FLACC1: variants seen among roughly 807,000 people sequenced by gnomAD.
FLACC1 encodes the protein flagellum-associated coiled-coil domain-containing protein 1.
A neutral mutation model predicts 62.8 loss-of-function variants in FLACC1; 66 were observed. That is an observed-to-expected ratio of 1.05 (90% CI 0.86 to 1.29). FLACC1 has a LOEUF of 1.29. Ranked by LOEUF, FLACC1 falls within the 50% of genes most tolerant of loss-of-function variation. FLACC1 has a pLI of 0.00. For synonymous variants in FLACC1, 156 were observed against 161.0 expected (o/e 0.97, Z 0.24); for missense variants, 452 against 489.1 (o/e 0.92, Z 0.71).
At chr2:201,356,075 G>A (rs1951112206) in intron 1 of FLACC1, among the ~76,000 whole-genome samples, 1 of 152,124 alleles carries the variant, frequency 6.6e-6, no homozygotes, top group South Asian at 2.1e-4. Context: ...GCCAGGGGAG[G>A]AGTTGGGACA....
intron 9 of FLACC1, among the ~76,000 whole-genome samples, chr2:201,329,033 G>C (rs1169748299): frequency 1.3e-5 from 2 of 152,020 alleles, no homozygotes; most frequent in Non-Finnish European, 2.9e-5. Context: ...TTTGTAGTAA[G>C]CCCCTTCCCC....
chr2:201,303,285 G>C (rs185483768), intron 11 of FLACC1, among the ~76,000 whole-genome samples: 1 of 152,132 alleles, frequency 6.6e-6, no homozygotes, highest in African/African-American at 2.4e-5. Context: ...ACTACCATCA[G>C]AGAATACTAT....
At chr2:201,313,923 C>T (rs1352137267) in intron 9 of FLACC1, among the ~76,000 whole-genome samples, 1 of 152,192 alleles carries the variant, frequency 6.6e-6, no homozygotes, top group African/African-American at 2.4e-5. Flanking sequence ...AGCCTGGAAC[C>T]TGGTAGGACT....
intron 9 of FLACC1, among the ~76,000 whole-genome samples, chr2:201,310,832 C>T (rs1160398992): frequency 6.6e-6 from 1 of 151,234 alleles, no homozygotes; most frequent in African/African-American, 2.4e-5. Context: ...AAAACCCATA[C>T]AAAGAATCAA....
intron 11 of FLACC1, 123 bp from the exon 12 acceptor site, chr2:201,299,423 T>C: frequency 1.4e-6 from 1 of 693,848 alleles, no homozygotes; most frequent in African/African-American, 1.8e-5. Flanking sequence ...ACTGCTATAA[T>C]GAAGCACACA....
chr2:201,292,404 G>T (rs1949757215), intron 12 of FLACC1, among the ~76,000 whole-genome samples: 4 of 152,158 alleles, frequency 2.6e-5, no homozygotes. Flanking sequence ...TTTCAACCCA[G>T]AATTTCATAT....
intron 8 of FLACC1, 73 bp from the exon 9 acceptor site, chr2:201,330,595 C>G: frequency 6.4e-7 from 1 of 1,551,108 alleles, no homozygotes; most frequent in South Asian, 1.1e-5. Context: ...AATGTGAGTT[C>G]TTCTGCACAC....
intron 10 of FLACC1, among the ~76,000 whole-genome samples, chr2:201,308,616 TG>T (rs2125562232): frequency 6.6e-6 from 1 of 152,132 alleles, no homozygotes; most frequent in African/African-American, 2.4e-5. Context: ...CCAATGGGGG[TG>T]GGAGGTGCAC....
chr2:201,356,533 ACTT>A (rs1293358130), intron 1 of FLACC1, among the ~76,000 whole-genome samples: 4 of 152,210 alleles, frequency 2.6e-5, no homozygotes, highest in African/African-American at 9.7e-5. Flanking sequence ...AGTGGGAACT[ACTT>A]CTAACAGATT....
the FLACC1 span, among the ~76,000 whole-genome samples, chr2:201,364,261 G>C: frequency 1.3e-5 from 2 of 151,962 alleles, no homozygotes; most frequent in African/African-American, 2.4e-5. Context: ...AGAGAGGGGG[G>C]AAAAGGGAAA....
At chr2:201,307,879 ATC>A (rs1348070739) in intron 10 of FLACC1, among the ~76,000 whole-genome samples, 7 of 152,136 alleles carry the variant, frequency 4.6e-5, no homozygotes, top group Non-Finnish European at 7.4e-5. Flanking sequence ...TTTATTTTGA[ATC>A]TGTTGCTTTT....
At chr2:201,299,376 T>G (rs971219165) in intron 11 of FLACC1, 76 bp from the exon 12 acceptor site, 4 of 1,187,992 alleles carry the variant, frequency 3.4e-6, no homozygotes, top group African/African-American at 1.5e-5. Flanking sequence ...AAAGCCAGAC[T>G]AGGATTCAGG....
At position 201,346,662 on chromosome 2, in the gene FLACC1, A is replaced by C. The variant is rs1400138657; in HGVS notation, c.248T>G (p.Val83Gly). 6 of 1,614,106 alleles carry C rather than the reference A, an allele frequency of 3.7e-6. 1 individual carries two copies. In the South Asian group the frequency reaches 6.6e-5, roughly 18 times the overall value. The part of the protein sequence containing the change: ...TNKSFYEVIN[V>G]SPGYQLVRNR... ...CCGAACAAGTTGATAGCCAGGTGAC[A>C]CGTTGATCACTTCCTAGGCATCAAG... The change falls in exon 5 of 15, where the codon GTG becomes GGG. Residue 83 changes from valine to glycine, a missense_variant. Transcript: ENST00000392257. This position sits in a 1 kb window ranked among gnomAD's most constrained non-coding sequence, Gnocchi z 4.0.
intron 9 of FLACC1, among the ~76,000 whole-genome samples, chr2:201,317,991 G>A (rs1950335801): frequency 1.3e-5 from 2 of 152,112 alleles, no homozygotes; most frequent in African/African-American, 4.8e-5. Context: ...AATATAAAGT[G>A]GGGAAAGCAC....
intron 7 of FLACC1, among the ~76,000 whole-genome samples, chr2:201,337,731 C>T (rs1372211354): frequency 1.3e-5 from 2 of 152,010 alleles, no homozygotes; most frequent in Non-Finnish European, 2.9e-5. Context: ...CTATGTTGTG[C>T]AGGCTAGTCT....
intron 7 of FLACC1, among the ~76,000 whole-genome samples, chr2:201,335,721 T>C (rs1950681737): frequency 6.6e-6 from 1 of 152,194 alleles, no homozygotes; most frequent in African/African-American, 2.4e-5. Context: ...ACATTTTTGG[T>C]ATTTTAATAG....
chr2:201,299,294 A>G lies in FLACC1; in HGVS notation c.886T>C (p.Leu296=), dbSNP rs1949929459. The change falls in exon 12 of 15, where the codon TTG becomes CTG. Residue 296 remains leucine, a synonymous_variant. Transcript: ENST00000392257. ...AAGGTGTCACTTTGATGTTGTTTCA[A>G]GAGCTCCTAAAAACAATTTTATTGG... ...ENFIQEKEEL[L]KQHQSDTLQL... 6.2e-7 allele frequency: 1 copy of G among 1,613,618 alleles called. No individual in the cohort carries two copies. Among genetic ancestry groups the G allele is most frequent in the Admixed American group, 1.7e-5 (1 of 59,980 alleles).
rs1949688916 is a variant in FLACC1 at position 201,289,766 on chromosome 2, T to A, written c.962A>T (p.His321Leu). 1.2e-6 allele frequency: 2 copies of A among 1,614,210 alleles called. No homozygotes were observed. The highest frequency in any genetic ancestry group is 8.5e-7 in the Non-Finnish European group (1 of 1,180,038). ...KTKEVMQEEL[H>L]AQALILESLN... ...TGACTCTAGGATAAGGGCTTGTGCA[T>A]GCAATTCTTCCTGCATGACCTGCAT... The change falls in exon 13 of 15, where the codon CAT becomes CTT. Residue 321 changes from histidine to leucine, a missense_variant. His to Leu is a moderately conservative substitution (Grantham distance 99). This residue lies in a region of FLACC1 where 301 missense variants were observed against 318.4 expected (regional missense o/e 0.95). Transcript: ENST00000392257.
intron 12 of FLACC1, among the ~76,000 whole-genome samples, chr2:201,293,589 C>A (rs573821109): frequency 1.3e-5 from 2 of 152,196 alleles, no homozygotes; most frequent in Admixed American, 1.3e-4. Context: ...AAAATTGACA[C>A]CCTAACATCA....
Sources: allele counts gnomAD v4.1 joint callset (sites outside exome capture counted in the v4.1 genomes callset), GRCh38; gene constraint gnomAD v4.1.1; regional missense constraint gnomAD v4.1.1; non-coding constraint Gnocchi (gnomAD v3.1); transcripts MANE v1.5; gene names NCBI Gene and HGNC (gene_info 2026-07-23, HGNC 2026-07-21).